The following RNASE10 variants were observed in gnomAD, a reference collection of about 807,000 sequenced individuals.
RNASE10 encodes inactive ribonuclease-like protein 10.
Under a neutral mutation model 1.1 loss-of-function variants are expected in RNASE10, and 2 were observed. The observed-to-expected ratio is 1.82, with a 90% CI of 0.74 to 5.73. The LOEUF is 5.73. Ranked by LOEUF, RNASE10 falls within the 30% of genes most tolerant of loss-of-function variation. The pLI is 0.05. For missense variants in RNASE10, 276 were observed against 263.4 expected (o/e 1.05, Z -0.33); for synonymous variants, 97 against 96.2 (o/e 1.01, Z -0.05).
At chr14:20,510,335 A>C in intron 1 of RNASE10, 132 bp from the exon 2 acceptor site, 1 of 1,322,844 alleles carries the variant, frequency 7.6e-7, no homozygotes, top group Non-Finnish European at 1.0e-6. Context: ...TGCCTTGAAG[A>C]GGGTAGAGTA....
At chr14:20,510,265 A>G in intron 1 of RNASE10, 1 of 311,022 alleles carries the variant, frequency 3.2e-6, no homozygotes, top group South Asian at 1.3e-4. Context: ...ATTTTATTAC[A>G]CAGCAACAGG....
At chr14:20,510,652 G>T (rs145328672) in exon 2 of RNASE10, 2 of 1,614,022 alleles carry the variant, frequency 1.2e-6, no homozygotes, top group Non-Finnish European at 1.7e-6. Context: ...GGAGGGAGAC[G>T]GCACCCAAAC....
chr14:20,504,457 G>A (rs1184915128), upstream of RNASE10, among the ~76,000 whole-genome samples: 1 of 151,986 alleles, frequency 6.6e-6, no homozygotes, highest in Non-Finnish European at 1.5e-5. Flanking sequence ...GGAGGCCGAG[G>A]CGGGCGGGTC....
chr14:20,505,267 T>C (rs535850197), upstream of RNASE10, among the ~76,000 whole-genome samples: 11 of 8,950 alleles, frequency 1.2e-3, no homozygotes, highest in African/African-American at 1.8e-3. Flanking sequence ...GTTTGCTCCC[T>C]CTCCCTCTCC....
chr14:20,509,236 A>G (rs1444183921), intron 1 of RNASE10, among the ~76,000 whole-genome samples: 2 of 152,152 alleles, frequency 1.3e-5, no homozygotes, highest in African/African-American at 2.4e-5. Flanking sequence ...TTTAGTAGAG[A>G]TGGGGTTTCA....
intron 1 of RNASE10, among the ~76,000 whole-genome samples, chr14:20,506,653 C>A (rs1225158881): frequency 1.9e-5 from 2 of 102,884 alleles, no homozygotes; most frequent in Admixed American, 1.8e-4. Context: ...GCCGCCCAGT[C>A]CAGGAGGGAG....
exon 1 of RNASE10, chr14:20,505,842 CG>C (rs1436116146): frequency 1.1e-5 from 1 of 91,086 alleles, no homozygotes; most frequent in Non-Finnish European, 2.0e-5. Flanking sequence ...CGTCTCTGCC[CG>C]GCCGCCATCC....
At chr14:20,507,619 T>A (rs28854513) in intron 1 of RNASE10, among the ~76,000 whole-genome samples, 8,274 of 130,464 alleles carry the variant, frequency 0.063, 569 homozygotes, top group African/African-American at 0.16. Context: ...ATTAAAAAAA[T>A]AAATAAATAA....
downstream of RNASE10, chr14:20,511,171 T>G: frequency 7.5e-7 from 1 of 1,327,608 alleles, no homozygotes; most frequent in Non-Finnish European, 1.0e-6. Context: ...TCCTCTTCCT[T>G]TTTTACTTCT....
chr14:20,508,450 GTCCA>G (rs1882808331), intron 1 of RNASE10, among the ~76,000 whole-genome samples: 1 of 152,200 alleles, frequency 6.6e-6, no homozygotes, highest in Non-Finnish European at 1.5e-5. Flanking sequence ...TGTCCAGCGT[GTCCA>G]TGTTGTAGAC....
At chr14:20,504,896 A>G (rs1283390318), upstream of RNASE10, among the ~76,000 whole-genome samples, 1 of 151,984 alleles carries the variant, frequency 6.6e-6, no homozygotes, top group African/African-American at 2.4e-5. Flanking sequence ...ACAGCAGCGG[A>G]GAGGAGCTCA....
intron 1 of RNASE10, among the ~76,000 whole-genome samples, chr14:20,506,907 T>G (rs1882747648): frequency 8.1e-6 from 1 of 124,140 alleles, no homozygotes; most frequent in Non-Finnish European, 1.6e-5. Context: ...GGAGCCCCTC[T>G]GCCTGGCCAG....
chr14:20,510,387 G>A, intron 1 of RNASE10, 80 bp from the exon 2 acceptor site: 1 of 1,530,758 alleles, frequency 6.5e-7, no homozygotes, highest in Non-Finnish European at 8.7e-7. Flanking sequence ...AATGCTGTAG[G>A]GCTTAGTGAG....
rs994867607 is a variant in RNASE10 at position 20,507,477 on chromosome 14, G to A, written c.79+1458G>A. Among the ~76,000 whole-genome samples, 1,175 of 135,962 alleles carry A rather than the reference G, an allele frequency of 8.6e-3. 7 individuals carry two copies. Among genetic ancestry groups the A allele is most frequent in the African/African-American group, 0.032 (1,089 of 34,334 alleles). 89.2% of individuals were successfully genotyped at this position (135,962 alleles called of 152,430 possible). A position where few individuals can be genotyped will look rare whatever the true frequency, so the allele number is the denominator to read the frequency against. On this transcript the variant is annotated intron_variant, in intron 1 of 1. Transcript: ENST00000430083. ...AAGTACCCAGGGACACAAACACTGCGGAAGGCTGCAGGGTCCTCTGCCTAG... is the reference window on the plus strand; with the variant it reads ...AAGTACCCAGGGACACAAACACTGCAGAAGGCTGCAGGGTCCTCTGCCTAG...
chr14:20,510,554 A>T (rs559751759), exon 2 of RNASE10: 11 of 1,614,168 alleles, frequency 6.8e-6, no homozygotes, highest in African/African-American at 6.7e-5. Flanking sequence ...TTGGGACTTC[A>T]TATGGCTACA....
exon 2 of RNASE10, chr14:20,510,969 T>C (rs1200041934): frequency 6.2e-7 from 1 of 1,604,672 alleles, no homozygotes; most frequent in Non-Finnish European, 8.5e-7. Context: ...GGGGAAAATG[T>C]CACAAAAGCT....
upstream of RNASE10, among the ~76,000 whole-genome samples, chr14:20,504,921 C>T (rs1030456417): frequency 2.6e-5 from 4 of 152,028 alleles, no homozygotes; most frequent in African/African-American, 9.7e-5. Context: ...CCAGCCCCCG[C>T]CACACGTACA....
Position 20,511,046 on chromosome 14 carries a change from AC to A in RNASE10, c.661del (p.Leu221Ter). On this transcript the variant is annotated frameshift_variant, in exon 2 of 2. Coordinates refer to ENST00000430083, the Ensembl canonical transcript of RNASE10. LOFTEE classifies it low-confidence loss of function (END_TRUNC). The stretch of plus-strand genomic sequence containing the variant: ...GACCAGGTCACTCCTAACTGCAATT[AC>A]CTAACTTCTGTTATAAAAAAGCACA... The A allele has an allele frequency of 6.5e-7, 1 of 1,536,802 alleles. No individual in the cohort carries two copies. Among genetic ancestry groups the A allele is most frequent in the South Asian group, 1.3e-5 (1 of 78,626 alleles).
chr14:20,512,903 G>C (rs1346443119), downstream of RNASE10, among the ~76,000 whole-genome samples: 1 of 152,208 alleles, frequency 6.6e-6, no homozygotes, highest in Non-Finnish European at 1.5e-5. Flanking sequence ...TGAGAAATAG[G>C]ATGGGAAGAG....
Sources: allele counts gnomAD v4.1 joint callset (sites outside exome capture counted in the v4.1 genomes callset), GRCh38; gene constraint gnomAD v4.1.1; transcripts MANE v1.5; gene names NCBI Gene and HGNC (gene_info 2026-07-23, HGNC 2026-07-21).